MB21D2: variants seen among roughly 807,000 people sequenced by gnomAD.
MB21D2 encodes the protein nucleotidyltransferase MB21D2.
MB21D2 carries 9 observed loss-of-function variants against 33.3 expected under a neutral mutation model. The ratio of observed to expected loss-of-function variants is 0.27; its 90% CI spans 0.16 to 0.47. The LOEUF is 0.47. Among genes scored for constraint, MB21D2 ranks in the 20% least tolerant of loss-of-function variants. The probability of loss-of-function intolerance (pLI) is 0.99; values close to 1 mark genes in which losing one functional copy is unlikely to be tolerated. For missense variants in MB21D2, 540 were observed against 624.6 expected, an observed-to-expected ratio of 0.86 and a Z score of 1.44; for synonymous variants, 241 against 236.3, an observed-to-expected ratio of 1.02 and a Z score of -0.18.
chr3:192,853,873 A>G (rs1011688117), intron 1 of MB21D2, among the ~76,000 whole-genome samples: 2 of 151,986 alleles, frequency 1.3e-5, no homozygotes, highest in South Asian at 2.1e-4. Flanking sequence ...CATTGTTATT[A>G]TATGTTATGG....
chr3:192,893,357 T>G (rs1322158547), intron 1 of MB21D2, among the ~76,000 whole-genome samples: 1 of 151,966 alleles, frequency 6.6e-6, no homozygotes, highest in Admixed American at 6.6e-5. Flanking sequence ...ACCCATCATT[T>G]CAAAAGTATA....
intron 1 of MB21D2, among the ~76,000 whole-genome samples, chr3:192,902,404 G>C (rs1399434010): frequency 6.6e-6 from 1 of 152,132 alleles, no homozygotes; most frequent in East Asian, 1.9e-4. Flanking sequence ...GTGATTTCCT[G>C]GCTTTAGGTT....
At chr3:192,855,452 A>T (rs139993456) in intron 1 of MB21D2, among the ~76,000 whole-genome samples, 1 of 152,320 alleles carries the variant, frequency 6.6e-6, no homozygotes, top group East Asian at 1.9e-4. Context: ...GTTATTGTAC[A>T]CTTAATACAG....
At chr3:192,887,048 G>A (rs1055761913) in intron 1 of MB21D2, among the ~76,000 whole-genome samples, 2 of 151,764 alleles carry the variant, frequency 1.3e-5, no homozygotes, top group Non-Finnish European at 2.9e-5. Flanking sequence ...TATACAAACA[G>A]GGCTACCAAT....
intron 1 of MB21D2, among the ~76,000 whole-genome samples, chr3:192,851,508 T>C (rs1376168952): frequency 2.1e-5 from 3 of 144,740 alleles, no homozygotes; most frequent in Non-Finnish European, 3.0e-5. Context: ...TTTTTTTTTT[T>C]TTTGGAGATG....
chr3:192,870,712 A>ATAAAT (rs1713273945), intron 1 of MB21D2, among the ~76,000 whole-genome samples: 2 of 138,408 alleles, frequency 1.4e-5, no homozygotes, highest in Admixed American at 1.4e-4. Context: ...AAAAAAAAAA[A>ATAAAT]AAAAAAAGGA....
chr3:192,804,297 CA>C (rs1711614278), intron 1 of MB21D2, among the ~76,000 whole-genome samples: 1 of 152,076 alleles, frequency 6.6e-6, no homozygotes, highest in Admixed American at 6.5e-5. Flanking sequence ...TACTAGAGCA[CA>C]AAAACTAAGT....
Position 192,813,469 on chromosome 3 carries a change from G to A in MB21D2, c.212-13819C>T, listed in dbSNP as rs555519387. On this transcript the variant is annotated intron_variant, in intron 1 of 1. Transcript: ENST00000392452. ...ATACATTGAAGACTTCAGGAGCTCA[G>A]AAGATTAATAAAAAGAAAATGTTTT... Among the ~76,000 whole-genome samples the A allele has an allele frequency of 3.3e-5, 5 of 152,176 alleles. No individual in the cohort carries two copies. The East Asian group carries it at 5.8e-4, about 18-fold the overall frequency.
intron 1 of MB21D2, among the ~76,000 whole-genome samples, chr3:192,820,322 A>G (rs1376668919): frequency 6.6e-6 from 1 of 152,210 alleles, no homozygotes; most frequent in Non-Finnish European, 1.5e-5. Context: ...ACTTAAGCAC[A>G]AAGAGCAAAG....
At chr3:192,854,579 A>G (rs1410240256) in intron 1 of MB21D2, among the ~76,000 whole-genome samples, 9 of 152,264 alleles carry the variant, frequency 5.9e-5, no homozygotes, top group Admixed American at 2.0e-4. Context: ...GCTACAGTAA[A>G]CAGCGTTTCA....
intron 1 of MB21D2, among the ~76,000 whole-genome samples, chr3:192,869,254 T>G (rs1713234421): frequency 9.0e-6 from 1 of 110,912 alleles, no homozygotes; most frequent in African/African-American, 3.7e-5. Context: ...AGACTCCATG[T>G]CAAAAAAAAA....
chr3:192,814,434 G>A (rs373777124), intron 1 of MB21D2, among the ~76,000 whole-genome samples: 35 of 152,176 alleles, frequency 2.3e-4, no homozygotes, highest in South Asian at 4.1e-4. Flanking sequence ...GAAAATGTTC[G>A]GATCAAAAGA....
At chr3:192,822,740 TCTAATG>T (rs1712088669) in intron 1 of MB21D2, among the ~76,000 whole-genome samples, 2 of 152,206 alleles carry the variant, frequency 1.3e-5, no homozygotes, top group Admixed American at 1.3e-4. Flanking sequence ...CCTTAGAACA[TCTAATG>T]TAACTGCTTC....
intron 1 of MB21D2, among the ~76,000 whole-genome samples, chr3:192,853,942 CAT>C: frequency 6.6e-6 from 1 of 152,322 alleles, no homozygotes; most frequent in Admixed American, 6.5e-5. Context: ...GAATCACACT[CAT>C]AGTGTGTTCT....
intron 1 of MB21D2, 39 bp downstream of exon 1, chr3:192,917,591 A>ACACACACG: frequency 6.2e-7 from 1 of 1,601,204 alleles, no homozygotes; most frequent in Non-Finnish European, 8.5e-7. Context: ...CCCATCACAC[A>ACACACACG]CACACACGCA....
chr3:192,907,739 T>C (rs1044036385), intron 1 of MB21D2, among the ~76,000 whole-genome samples: 4 of 152,192 alleles, frequency 2.6e-5, no homozygotes, highest in Admixed American at 6.5e-5. Flanking sequence ...TTTCTAATAA[T>C]AAAGAATTCC....
At chr3:192,847,497 T>A (rs575866613) in intron 1 of MB21D2, among the ~76,000 whole-genome samples, 1 of 152,302 alleles carries the variant, frequency 6.6e-6, no homozygotes, top group African/African-American at 2.4e-5. Context: ...TTGTAAAATA[T>A]GATCAACTCA....
At chr3:192,900,678 CACGCCTGTA>C (rs1714077982) in intron 1 of MB21D2, among the ~76,000 whole-genome samples, 1 of 152,008 alleles carries the variant, frequency 6.6e-6, no homozygotes, top group Non-Finnish European at 1.5e-5. Context: ...CGCGGTGGCT[CACGCCTGTA>C]ATCCCAGCAC....
intron 1 of MB21D2, among the ~76,000 whole-genome samples, chr3:192,872,454 T>C (rs1378310141): frequency 1.3e-5 from 2 of 151,438 alleles, no homozygotes; most frequent in Non-Finnish European, 2.9e-5. Context: ...CGAGCGCCTG[T>C]AGTCCCAGCT....
Sources: allele counts gnomAD v4.1 joint callset (sites outside exome capture counted in the v4.1 genomes callset), GRCh38; gene constraint gnomAD v4.1.1; transcripts MANE v1.5; gene names NCBI Gene and HGNC (gene_info 2026-07-23, HGNC 2026-07-21).